GTSE1: variants seen among roughly 807,000 people sequenced by gnomAD.
GTSE1 encodes G2 and S phase-expressed protein 1.
Under a neutral mutation model 60.5 loss-of-function variants are expected in GTSE1, and 52 were observed. The ratio of observed to expected loss-of-function variants is 0.86; its 90% CI spans 0.69 to 1.08. GTSE1 has a LOEUF of 1.08. GTSE1 is among the 50% of genes least tolerant of loss of function. GTSE1 has a pLI of 0.00. For missense variants in GTSE1, 937 were observed against 961.8 expected (o/e 0.97, Z 0.34); for synonymous variants, 368 against 386.5 (o/e 0.95, Z 0.56).
Position 46,323,277 on chromosome 22 carries a change from T to A in GTSE1, c.1505+15T>A. 1 of 1,589,906 alleles carries A rather than the reference T, an allele frequency of 6.3e-7. No homozygotes were observed. Among genetic ancestry groups the A allele is most frequent in the African/African-American group, 1.3e-5 (1 of 74,374 alleles). ...TCAGTTGGCAGGTGAGTGACGTTGG[T>A]CCGCTTCCTCTCTTTATTGCTGTAG... On this transcript the variant is annotated intron_variant, in intron 8 of 11. Transcript: ENST00000454366.
Position 46,313,993 on chromosome 22 carries a change from C to T in GTSE1, c.1031C>T (p.Thr344Ile), listed in dbSNP as rs2077764348. 6.2e-7 allele frequency: 1 copy of T among 1,614,176 alleles called. No homozygotes were observed. The highest frequency in any genetic ancestry group is 1.3e-5 in the African/African-American group (1 of 75,068). ...TGGAGCGGGGCATCCAGTGCGTGCA[C>T]ATCCCCAGCAGTGGGCAAAGGTGAG... ...PVWSGASSACTSPAVGKAKSS... is the reference protein window; with the variant it reads ...PVWSGASSACISPAVGKAKSS... The change falls in exon 6 of 12, where the codon ACA (threonine) becomes ATA (isoleucine). Residue 344 changes from threonine to isoleucine, a missense_variant. Coordinates refer to ENST00000454366, the MANE Select transcript of GTSE1 (RefSeq NM_016426.7). The surrounding 1 kb of genome is among the most constrained non-coding windows in gnomAD (Gnocchi z 4.4).
intron 2 of GTSE1, among the ~76,000 whole-genome samples, chr22:46,299,832 G>A (rs1227899697): frequency 6.7e-6 from 1 of 148,150 alleles, no homozygotes; most frequent in Non-Finnish European, 1.5e-5. Context: ...TCTCACTGTT[G>A]GCCAGGCTGG....
intron 5 of GTSE1, among the ~76,000 whole-genome samples, chr22:46,312,613 T>G: frequency 7.2e-6 from 1 of 139,440 alleles, no homozygotes; most frequent in African/African-American, 2.7e-5. Flanking sequence ...CACTCCAGGT[T>G]GGGTGACAGA....
intron 9 of GTSE1, among the ~76,000 whole-genome samples, chr22:46,327,779 C>T (rs1426452245): frequency 6.6e-6 from 1 of 152,326 alleles, no homozygotes; most frequent in Admixed American, 6.5e-5. Flanking sequence ...CATCTACCAA[C>T]AGTAGGTGTT....
rs1005510762 is a variant in GTSE1, at chr22:46,319,844, G to A, written c.1433-3346G>A. Reference sequence around the variant, plus strand: ...CTACTAAAAATAGAAAAATTAGCCAGGCATGGTGGCGCATGCCTGTAATCC... The same window carrying A: ...CTACTAAAAATAGAAAAATTAGCCAAGCATGGTGGCGCATGCCTGTAATCC... On this transcript the variant is annotated intron_variant, in intron 7 of 11. Transcript: ENST00000454366. The surrounding 1 kb of genome is among the most constrained non-coding windows in gnomAD (Gnocchi z 5.0). 4.6e-5 allele frequency among the ~76,000 whole-genome samples: 7 copies of A among 152,094 alleles called. No individual in the cohort carries two copies. The highest frequency in any genetic ancestry group is 1.7e-4 in the African/African-American group (7 of 41,412).
intron 7 of GTSE1, among the ~76,000 whole-genome samples, chr22:46,322,073 CAA>C (rs769915567): frequency 0.024 from 1,048 of 44,424 alleles, 3 homozygotes; most frequent in African/African-American, 0.079. Context: ...GACTCTGTCT[CAA>C]AAAAAAAAAA....
At position 46,300,600 on chromosome 22, in the gene GTSE1, C is replaced by T. The variant is rs995105843; in HGVS notation, c.79+3121C>T. On this transcript the variant is annotated intron_variant, in intron 2 of 11. Transcript: ENST00000454366. ...GTTCCCACCTCTACATGTCTCTCAC[C>T]GCACTGCCTGAGGCACCCTCCAGGG... is the stretch of plus-strand genomic sequence containing the variant. 5.9e-5 allele frequency among the ~76,000 whole-genome samples: 9 copies of T among 152,312 alleles called. 1 individual carries two copies. The highest frequency in any genetic ancestry group is 6.8e-3 in the Middle Eastern group (2 of 292).
intron 9 of GTSE1, chr22:46,327,096 G>A (rs142415644): frequency 0.01 from 1,598 of 154,100 alleles, 13 homozygotes; most frequent in Middle Eastern, 0.02. Context: ...CAGCTATTTA[G>A]GGGGCTGAGG....
rs972399214 is a variant in GTSE1, at chr22:46,304,200, G to A, written c.80-3950G>A. On this transcript the variant is annotated intron_variant, in intron 2 of 11. Coordinates refer to ENST00000454366, the MANE Select transcript of GTSE1 (RefSeq NM_016426.7). The surrounding 1 kb of genome is among the most constrained non-coding windows in gnomAD (Gnocchi z 4.4). ...TAGAGCTGGGGTCTCGCTATGTTGC[G>A]AGGGCTGGCCTTGAACCCCTGGGCC... Among the ~76,000 whole-genome samples, 11 of 151,602 alleles carry A rather than the reference G, an allele frequency of 7.3e-5. No individual in the cohort carries two copies. The highest frequency in any genetic ancestry group is 1.5e-4 in the Non-Finnish European group (10 of 67,920).
chr22:46,329,380 T>A lies in GTSE1; in HGVS notation c.1949T>A (p.Leu650Gln). Residue 650 changes from leucine (L) to glutamine (Q), a missense_variant, in exon 11 of 12, where the codon CTG (leucine) becomes CAG (glutamine). Transcript: ENST00000454366. The surrounding 1 kb of genome is among the most constrained non-coding windows in gnomAD (Gnocchi z 6.4). ...CAGGCTCTTCTTGTAGATATCAAACTGGAACCACTCGCGGTCACTCCAGAT... is the reference window on the plus strand; with the variant it reads ...CAGGCTCTTCTTGTAGATATCAAACAGGAACCACTCGCGGTCACTCCAGAT... ...PSEALLVDIK[L>Q]EPLAVTPDAA... 1 of 1,614,124 alleles carries A rather than the reference T, an allele frequency of 6.2e-7. No individual in the cohort carries two copies. Among genetic ancestry groups the A allele is most frequent in the Non-Finnish European group, 8.5e-7 (1 of 1,179,962 alleles).
chr22:46,318,919 G>T lies in GTSE1; in HGVS notation c.1432+2507G>T, dbSNP rs1164314922. On this transcript the variant is annotated intron_variant, in intron 7 of 11. Transcript: ENST00000454366. This position sits in a 1 kb window ranked among gnomAD's most constrained non-coding sequence, Gnocchi z 4.8. ...ACCGGCTCTGGCCCTCATACCTCCC[G>T]GCAGGAAGCCTTCTTCTAGGTGAAG... Among the ~76,000 whole-genome samples, 2,762 of 152,178 alleles carry T rather than the reference G, an allele frequency of 0.018. 90 individuals are homozygous for T. The highest frequency in any genetic ancestry group is 0.062 in the African/African-American group (2,587 of 41,504).
chr22:46,317,461 G>A lies in GTSE1; in HGVS notation c.1432+1049G>A, dbSNP rs961516343. Among the ~76,000 whole-genome samples, 6 of 152,090 alleles carry A rather than the reference G, an allele frequency of 3.9e-5. No individual in the cohort carries two copies. Among genetic ancestry groups the A allele is most frequent in the Non-Finnish European group, 5.9e-5 (4 of 68,026 alleles). ...AATTGATAATGGTTTTAGGGTCTAC[G>A]ATTCTTCTCATACCATCTTCCCCAT... On this transcript the variant is annotated intron_variant, in intron 7 of 11. Transcript: ENST00000454366. This position sits in a 1 kb window ranked among gnomAD's most constrained non-coding sequence, Gnocchi z 5.6.
At chr22:46,308,037 T>G in intron 2 of GTSE1, 113 bp from the exon 3 acceptor site, 1 of 748,652 alleles carries the variant, frequency 1.3e-6, no homozygotes. Context: ...AGGATACACT[T>G]TGGGGAGTGA....
At position 46,323,224 on chromosome 22, in the gene GTSE1, G is replaced by A. The variant is rs140506442; in HGVS notation, c.1467G>A (p.Ser489=). ...CGGACAGCTCAACACCAAAGCTTTC[G>A]CGGGCACAGCGGCCGCAGTCGTGCA... ...DSPDSSTPKL[S]RAQRPQSCTS... Residue 489 remains serine (S), a synonymous_variant, in exon 8 of 12, where the codon TCG becomes TCA. Transcript: ENST00000454366. 98 of 1,614,030 alleles carry A rather than the reference G, an allele frequency of 6.1e-5. No homozygotes were observed. The East Asian group carries it at 8.0e-4, about 13-fold the overall frequency.
In GTSE1 at chr22:46,304,725, T is replaced by A. The variant is rs2077706863; in HGVS notation, c.80-3425T>A. On this transcript the variant is annotated intron_variant, in intron 2 of 11. Transcript: ENST00000454366. The surrounding 1 kb of genome is among the most constrained non-coding windows in gnomAD (Gnocchi z 4.4). The stretch of plus-strand genomic sequence containing the variant: ...CAGGTGTGGTAGCTCATACCTGTAA[T>A]CCCAGCACTTTGGGAGGCCAAGGTA... Among the ~76,000 whole-genome samples the A allele has an allele frequency of 6.6e-6, 1 of 152,220 alleles. No homozygotes were observed. The highest frequency in any genetic ancestry group is 6.5e-5 in the Admixed American group (1 of 15,282).
intron 2 of GTSE1, among the ~76,000 whole-genome samples, chr22:46,300,338 C>T (rs973977392): frequency 1.9e-4 from 29 of 151,720 alleles, no homozygotes; most frequent in African/African-American, 7.0e-4. Flanking sequence ...TCAAGTGATC[C>T]GCCTGCCTCA....
chr22:46,316,247 A>G lies in GTSE1; in HGVS notation c.1267A>G (p.Thr423Ala). Residue 423 changes from threonine (T) to alanine (A), a missense_variant, in exon 7 of 12, where the codon ACT becomes GCT. Coordinates refer to ENST00000454366, the MANE Select transcript of GTSE1 (RefSeq NM_016426.7). The surrounding 1 kb of genome is among the most constrained non-coding windows in gnomAD (Gnocchi z 5.0). ...CTCAGCATCCCCCACCCAACCCCAG[A>G]CTCCGGAAGGTGGCGGCCAGTGGCT... ...PPSASPTQPQ[T>A]PEGGGQWLNS... 1.2e-6 allele frequency: 2 copies of G among 1,613,410 alleles called. No homozygotes were observed. Among genetic ancestry groups the G allele is most frequent in the Non-Finnish European group, 1.7e-6 (2 of 1,179,898 alleles).
chr22:46,324,420 G>A lies in GTSE1; in HGVS notation c.1505+1158G>A, dbSNP rs556105821. Among the ~76,000 whole-genome samples the A allele has an allele frequency of 1.3e-5, 2 of 151,702 alleles. No homozygotes were observed. Among genetic ancestry groups the A allele is most frequent in the Non-Finnish European group, 2.9e-5 (2 of 67,894 alleles). Reference sequence around the variant, plus strand: ...TCTCACTCTGTCACCCAGGCTGGAGGGCAGTGGCACGATCTCAGCTCATGG... The same window carrying A: ...TCTCACTCTGTCACCCAGGCTGGAGAGCAGTGGCACGATCTCAGCTCATGG... On this transcript the variant is annotated intron_variant, in intron 8 of 11. Coordinates refer to ENST00000454366, the MANE Select transcript of GTSE1 (RefSeq NM_016426.7). The surrounding 1 kb of genome is among the most constrained non-coding windows in gnomAD (Gnocchi z 5.2).
At chr22:46,298,796 A>G (rs2077672755) in intron 2 of GTSE1, among the ~76,000 whole-genome samples, 1 of 151,848 alleles carries the variant, frequency 6.6e-6, no homozygotes, top group Admixed American at 6.6e-5. Flanking sequence ...GGCCTTCCCC[A>G]CTTCCGTTGA....
Sources: allele counts gnomAD v4.1 joint callset (sites outside exome capture counted in the v4.1 genomes callset), GRCh38; gene constraint gnomAD v4.1.1; non-coding constraint Gnocchi (gnomAD v3.1); transcripts MANE v1.5; gene names NCBI Gene and HGNC (gene_info 2026-07-23, HGNC 2026-07-21).